Variants in SLC12A5 observed in about 807,000 individuals in gnomAD.
SLC12A5 encodes K-Cl cotransporter 2.
A neutral mutation model predicts 124.0 loss-of-function variants in SLC12A5; 18 were observed. The observed-to-expected ratio is 0.15, with a 90% CI of 0.10 to 0.22. The LOEUF (loss-of-function observed/expected upper bound fraction) is 0.22, where lower values mean the gene tolerates loss of function less well. Ranked by LOEUF, SLC12A5 falls within the 10% of genes least tolerant of loss-of-function variation. SLC12A5 has a pLI of 1.00. For missense variants in SLC12A5, 867 were observed against 1,478.7 expected (o/e 0.59, Z 6.78); for synonymous variants, 589 against 568.0 (o/e 1.04, Z -0.53).
At chr20:46,036,060 T>G in intron 4 of SLC12A5, 137 bp downstream of exon 4, 2 of 1,086,896 alleles carry the variant, frequency 1.8e-6, no homozygotes, top group Non-Finnish European at 2.5e-6. Context: ...GAGAGTAAAT[T>G]AGGCCTGACT....
chr20:46,046,330 T>G lies in SLC12A5; in HGVS notation c.1689-8T>G, dbSNP rs1308297467. The G allele has an allele frequency of 6.2e-7, 1 of 1,613,564 alleles. No homozygotes were observed. Among genetic ancestry groups the G allele is most frequent in the African/African-American group, 1.3e-5 (1 of 74,908 alleles). ...CTCTGTCTCCCCTGGGGCCTTCCTG[T>G]GTTCCAGGTTCTTCCTGATGTGCTA... is the stretch of plus-strand genomic sequence containing the variant. On this transcript the variant is annotated splice_polypyrimidine_tract_variant and splice_region_variant and intron_variant, in intron 13 of 25. Coordinates refer to ENST00000243964, the MANE Select transcript of SLC12A5 (RefSeq NM_020708.5).
chr20:46,025,911 G>A (rs62215577), upstream of SLC12A5, among the ~76,000 whole-genome samples: 2 of 152,130 alleles, frequency 1.3e-5, no homozygotes, highest in African/African-American at 4.8e-5. Flanking sequence ...GTGGAGATGC[G>A]GAGGGAGAGG....
chr20:46,045,168 C>T lies in SLC12A5; in HGVS notation c.1569+28C>T, dbSNP rs1179947966. On this transcript the variant is annotated intron_variant, in intron 12 of 25. Transcript: ENST00000243964. The surrounding 1 kb of genome is among the most constrained non-coding windows in gnomAD (Gnocchi z 4.9). ...CAGTGTGGGAGAAGAACAGCCCACC[C>T]TCAGTAGACCAGCCAGGCCCCTGCC... 6.5e-7 allele frequency: 1 copy of T among 1,535,062 alleles called. No homozygotes were observed. Among genetic ancestry groups the T allele is most frequent in the Admixed American group, 1.9e-5 (1 of 51,868 alleles).
chr20:46,043,210 C>T lies in SLC12A5; in HGVS notation c.1124C>T (p.Thr375Ile), dbSNP rs772033105. 1 of 1,613,950 alleles carries T rather than the reference C, an allele frequency of 6.2e-7. No homozygotes were observed. The highest frequency in any genetic ancestry group is 8.5e-7 in the Non-Finnish European group (1 of 1,179,958). ...KGVIVERSGM[T>I]SVGLADGTPI... ...GTGATTGTGGAGAGGAGTGGGATGA[C>T]CTCGGTGGGCCTGGCCGATGGCACT... The change falls in exon 9 of 26, where the codon ACC becomes ATC. Residue 375 changes from threonine (T) to isoleucine (I), a missense_variant. Physicochemically the swap from Thr to Ile is moderately conservative, Grantham distance 89. Transcript: ENST00000243964.
chr20:46,022,977 A>AGGAGGAGGAGGAGGAC lies in SLC12A5; in HGVS notation c.97_98insGAGGAGGAGGAGGACG (p.Gly34ArgfsTer102). ...AGGAGGAGGAGGAGGAGGAGGAGGA[A>AGGAGGAGGAGGAGGAC]GAGGAGGAGGAGGAAGAGGAGGAGG... On this transcript the variant is annotated frameshift_variant, in exon 2 of 3. Transcript: ENST00000413737. LOFTEE classifies it high-confidence loss of function. 4.0e-6 allele frequency: 1 copy of AGGAGGAGGAGGAGGAC among 249,050 alleles called. No homozygotes were observed. The highest frequency in any genetic ancestry group is 6.6e-6 in the Non-Finnish European group (1 of 151,100). The allele number at this position is 249,050 out of a possible 1,614,324, so 15.4% of individuals were successfully genotyped here. A position where few individuals can be genotyped will look rare whatever the true frequency, so the allele number is the denominator to read the frequency against.
In SLC12A5 at chr20:46,059,483, C is replaced by T. The variant is rs1380958811; in HGVS notation, c.*1878C>T. On this transcript the variant is annotated 3_prime_UTR_variant, in exon 26 of 26. Transcript: ENST00000243964. ...TCAGTAGACCTCCCTCTGAACACCACAGCCAGGTCCTGCCTTCTGGGGGCC... is the reference window on the plus strand; with the variant it reads ...TCAGTAGACCTCCCTCTGAACACCATAGCCAGGTCCTGCCTTCTGGGGGCC... The T allele has an allele frequency of 2.0e-5, 8 of 398,726 alleles. No individual in the cohort carries two copies. The highest frequency in any genetic ancestry group is 8.9e-6 in the Non-Finnish European group (2 of 225,970). 24.7% of individuals were successfully genotyped at this position (398,726 alleles called of 1,614,324 possible).
At chr20:46,046,953 G>A (rs1410271014) in intron 14 of SLC12A5, among the ~76,000 whole-genome samples, 2 of 152,216 alleles carry the variant, frequency 1.3e-5, no homozygotes, top group African/African-American at 2.4e-5. Context: ...GCCCTCGGGG[G>A]CAGACAGAGC....
At chr20:46,041,225 G>C (rs2084544124) in intron 7 of SLC12A5, 104 bp from the exon 8 acceptor site, 2 of 919,910 alleles carry the variant, frequency 2.2e-6, no homozygotes, top group Non-Finnish European at 3.3e-6. Context: ...TCTGGATATG[G>C]GGACCTGGCG....
At position 46,045,684 on chromosome 20, in the gene SLC12A5, G is replaced by A. The variant is rs892664042; in HGVS notation, c.1570-194G>A. Among the ~76,000 whole-genome samples, 28 of 152,256 alleles carry A rather than the reference G, an allele frequency of 1.8e-4. No individual in the cohort carries two copies. Among genetic ancestry groups the A allele is most frequent in the Middle Eastern group, 3.4e-3 (1 of 294 alleles). On this transcript the variant is annotated intron_variant, in intron 12 of 25. Coordinates refer to ENST00000243964, the MANE Select transcript of SLC12A5 (RefSeq NM_020708.5). The surrounding 1 kb of genome is among the most constrained non-coding windows in gnomAD (Gnocchi z 4.9). The stretch of plus-strand genomic sequence containing the variant: ...TTGAACTTCATGGCACTGGGGTGCC[G>A]ATCTCAGGGTGGGCAAGATGCAGCG...
At chr20:46,036,361 C>T (rs957138303) in intron 4 of SLC12A5, among the ~76,000 whole-genome samples, 14 of 152,220 alleles carry the variant, frequency 9.2e-5, no homozygotes, top group Non-Finnish European at 1.8e-4. Flanking sequence ...TACATGTCCT[C>T]GTACATAACC....
chr20:46,057,426 G>A lies in SLC12A5; in HGVS notation c.3260-88G>A, dbSNP rs1201390529. ...GATCAGCACCTCGGACAGGGACACG[G>A]GCGCGAGAGGTCCCCTGGCAGCCGA... On this transcript the variant is annotated intron_variant, in intron 25 of 25. Coordinates refer to ENST00000243964, the MANE Select transcript of SLC12A5 (RefSeq NM_020708.5). This position sits in a 1 kb window ranked among gnomAD's most constrained non-coding sequence, Gnocchi z 7.1. 2 of 1,601,064 alleles carry A rather than the reference G, an allele frequency of 1.2e-6. No homozygotes were observed. The highest frequency in any genetic ancestry group is 2.7e-5 in the African/African-American group (2 of 74,622).
chr20:46,056,437 G>T lies in SLC12A5; in HGVS notation c.2983G>T (p.Gly995Trp), dbSNP rs1477557927. ...SSPSPGEEPE[G>W]EGETDPEKVH... The stretch of plus-strand genomic sequence containing the variant: ...CCCGTCCCCAGGGGAGGAGCCTGAG[G>T]GGGAAGGGGAGACAGATCCGGAGAA... Residue 995 changes from glycine to tryptophan, a missense_variant, in exon 23 of 26, where the codon GGG becomes TGG. By Grantham distance (184) the Gly-to-Trp change is radical (BLOSUM62 -2). Around this residue, in one of 9 missense-constraint regions of SLC12A5, gnomAD observed 180 missense variants for 243.6 expected, o/e 0.74. Coordinates refer to ENST00000243964, the MANE Select transcript of SLC12A5 (RefSeq NM_020708.5). The surrounding 1 kb of genome is among the most constrained non-coding windows in gnomAD (Gnocchi z 4.3). The T allele has an allele frequency of 1.2e-6, 2 of 1,614,082 alleles. No individual in the cohort carries two copies. The highest frequency in any genetic ancestry group is 4.5e-5 in the East Asian group (2 of 44,870).
Position 46,037,922 on chromosome 20 carries a change from G to A in SLC12A5, c.612+537G>A, listed in dbSNP as rs149396214. ...TGGATTGCAAAAGAGAAGAACCAGGGGAGGGATCCGTATAAAGACATCTGT... is the reference window on the plus strand; with the variant it reads ...TGGATTGCAAAAGAGAAGAACCAGGAGAGGGATCCGTATAAAGACATCTGT... On this transcript the variant is annotated intron_variant, in intron 6 of 25. Transcript: ENST00000243964. Among the ~76,000 whole-genome samples the A allele has an allele frequency of 2.3e-3, 346 of 152,322 alleles. 1 individual carries two copies. The highest frequency in any genetic ancestry group is 7.8e-3 in the African/African-American group (326 of 41,566).
Position 46,053,093 on chromosome 20 carries a change from C to G in SLC12A5, c.2514C>G (p.Leu838=), listed in dbSNP as rs768958786. The G allele has an allele frequency of 2.5e-6, 4 of 1,612,332 alleles. No individual in the cohort carries two copies. Among genetic ancestry groups the G allele is most frequent in the Non-Finnish European group, 3.4e-6 (4 of 1,178,430 alleles). Reference sequence around the variant, plus strand: ...GGATTGTGCACGATGGAGGCATGCTCATGCTGCTGCCCTTCCTGCTGCGGC... The same window carrying G: ...GGATTGTGCACGATGGAGGCATGCTGATGCTGCTGCCCTTCCTGCTGCGGC... ...VWWIVHDGGM[L]MLLPFLLRHH... Residue 838 remains leucine, a synonymous_variant, in exon 19 of 26, where the codon CTC becomes CTG. Coordinates refer to ENST00000243964, the MANE Select transcript of SLC12A5 (RefSeq NM_020708.5). The surrounding 1 kb of genome is among the most constrained non-coding windows in gnomAD (Gnocchi z 4.7).
intron 3 of SLC12A5, 32 bp downstream of exon 3, chr20:46,035,567 A>C: frequency 6.4e-7 from 1 of 1,550,826 alleles, no homozygotes; most frequent in Non-Finnish European, 8.8e-7. Flanking sequence ...AAATGGAAGA[A>C]AAGGGACGGA....
intron 14 of SLC12A5, 79 bp from the exon 15 acceptor site, chr20:46,047,375 C>A: frequency 6.4e-7 from 1 of 1,569,798 alleles, no homozygotes. Context: ...CCTGCCCCAT[C>A]TCCCTCTTGC....
upstream of SLC12A5, chr20:46,021,753 T>C: frequency 6.5e-7 from 1 of 1,534,182 alleles, no homozygotes; most frequent in Non-Finnish European, 8.7e-7. Context: ...GCCGCCTGGC[T>C]CCTTTCCGCG....
In SLC12A5 at chr20:46,044,987, C is replaced by T. The variant is rs755729176; in HGVS notation, c.1416C>T (p.Gly472=). Residue 472 remains glycine, a synonymous_variant, in exon 12 of 26, where the codon GGC becomes GGT. Coordinates refer to ENST00000243964, the MANE Select transcript of SLC12A5 (RefSeq NM_020708.5). The stretch of plus-strand genomic sequence containing the variant: ...CCAGGTTTGGCGAAGCTGTGAATGG[C>T]AACCTCGTGGTGGGCACTCTGGCCT... ...LRDKFGEAVN[G]NLVVGTLAWP... is the part of the protein sequence containing the mutation. 24 of 1,614,098 alleles carry T rather than the reference C, an allele frequency of 1.5e-5. No individual in the cohort carries two copies. The highest frequency in any genetic ancestry group is 1.0e-4 in the Admixed American group (6 of 60,012).
chr20:46,040,450 G>C lies in SLC12A5; in HGVS notation c.690G>C (p.Met230Ile). The change falls in exon 7 of 26, where the codon ATG (methionine) becomes ATC (isoleucine). Residue 230 changes from methionine to isoleucine, a missense_variant. Coordinates refer to ENST00000243964, the MANE Select transcript of SLC12A5 (RefSeq NM_020708.5). ...AGGCAGCAGCCATGCTGAACAACAT[G>C]CGTGTTTACGGCACCTGTGTGCTCA... ...SGEAAAMLNN[M>I]RVYGTCVLTC... is the part of the protein sequence containing the mutation. 1 of 1,614,250 alleles carries C rather than the reference G, an allele frequency of 6.2e-7. No individual in the cohort carries two copies. The highest frequency in any genetic ancestry group is 8.5e-7 in the Non-Finnish European group (1 of 1,180,050).
Sources: gnomAD v4.1 joint callset for allele counts (sites outside exome capture counted in the v4.1 genomes callset) on GRCh38, gnomAD v4.1.1 for gene constraint, gnomAD v4.1.1 regional missense constraint, Gnocchi (gnomAD v3.1) non-coding constraint, MANE v1.5 for transcripts, NCBI Gene and HGNC (gene_info 2026-07-23, HGNC 2026-07-21) for gene names.